Variants in FAM200C observed in about 807,000 individuals in gnomAD.
At chr5:160,396,671 G>A in the FAM200C span, among the ~76,000 whole-genome samples, 5 of 131,464 alleles carry the variant, frequency 3.8e-5, no homozygotes. Flanking sequence ...CTGCACTCCA[G>A]CCTGGGCGAC....
At chr5:160,396,469 G>A in the FAM200C span, among the ~76,000 whole-genome samples, 2 of 152,032 alleles carry the variant, frequency 1.3e-5, no homozygotes, top group African/African-American at 4.8e-5. Context: ...AAAGCAAAAT[G>A]GTCGGGCGTG....
chr5:160,398,731 A>G, the FAM200C span, among the ~76,000 whole-genome samples: 2 of 152,246 alleles, frequency 1.3e-5, no homozygotes, highest in Non-Finnish European at 2.9e-5. Context: ...CAAGGGCCTC[A>G]AAGATGAACT....
the FAM200C span, among the ~76,000 whole-genome samples, chr5:160,398,481 A>G: frequency 1.3e-5 from 2 of 152,202 alleles, no homozygotes; most frequent in African/African-American, 4.8e-5. Context: ...GGTTGCAGTG[A>G]GCCGAGATGA....
the FAM200C span, among the ~76,000 whole-genome samples, chr5:160,396,697 GGAAAA>G: frequency 2.0e-5 from 1 of 49,264 alleles, no homozygotes; most frequent in African/African-American, 7.1e-5. Context: ...AAGTCTCTGT[GGAAAA>G]AAAAAAAAAA....
the FAM200C span, among the ~76,000 whole-genome samples, chr5:160,399,012 G>T: frequency 6.6e-6 from 1 of 152,180 alleles, no homozygotes; most frequent in Admixed American, 6.5e-5. Context: ...ACAAAGCGGG[G>T]TGGAGATAAA....
chr5:160,394,782 A>G, the FAM200C span: 84 of 1,613,954 alleles, frequency 5.2e-5, no homozygotes, highest in Non-Finnish European at 6.9e-5. Flanking sequence ...ACAGAGCCAC[A>G]TACATCAAGT....
At chr5:160,393,980 A>T in the FAM200C span, 3 of 1,613,962 alleles carry the variant, frequency 1.9e-6, no homozygotes, top group South Asian at 3.3e-5. Flanking sequence ...TTCCATTAGG[A>T]TTTGGCCACT....
the FAM200C span, among the ~76,000 whole-genome samples, chr5:160,396,090 G>A: frequency 2.0e-5 from 3 of 151,948 alleles, no homozygotes; most frequent in East Asian, 1.9e-4. Flanking sequence ...TAGGGTATCC[G>A]TCACCCAAAT....
At chr5:160,394,524 T>C in the FAM200C span, 28 of 1,614,156 alleles carry the variant, frequency 1.7e-5, no homozygotes, top group African/African-American at 3.1e-4. Context: ...AGGAGGACAC[T>C]ATATTCTATG....
the FAM200C span, chr5:160,395,277 G>T: frequency 1.9e-6 from 3 of 1,614,084 alleles, no homozygotes; most frequent in Non-Finnish European, 2.5e-6. Context: ...TGATCAGATG[G>T]TGCTGGCATA....
chr5:160,393,585 A>AC, the FAM200C span: 1 of 767,174 alleles, frequency 1.3e-6, no homozygotes, highest in Non-Finnish European at 2.1e-6. Context: ...ATTCAAAATT[A>AC]AAGTTCTTAA....
At chr5:160,394,368 C>G in the FAM200C span, 1 of 1,613,534 alleles carries the variant, frequency 6.2e-7, no homozygotes, top group Non-Finnish European at 8.5e-7. Flanking sequence ...GCAAGGTATG[C>G]TAGGTGAATT....
At chr5:160,394,697 T>C in the FAM200C span, 3 of 1,614,088 alleles carry the variant, frequency 1.9e-6, no homozygotes. Flanking sequence ...AACTACGATA[T>C]GAGGTATCTC....
chr5:160,398,394 A>G, the FAM200C span, among the ~76,000 whole-genome samples: 2 of 152,260 alleles, frequency 1.3e-5, no homozygotes, highest in South Asian at 2.1e-4. Flanking sequence ...TACTAAAAAT[A>G]CAAAAATTAG....
the FAM200C span, chr5:160,394,284 C>G: frequency 6.2e-7 from 1 of 1,613,742 alleles, no homozygotes; most frequent in East Asian, 2.2e-5. Context: ...GATAACTTCT[C>G]TCTAGCTGAT....
At chr5:160,398,095 A>T in the FAM200C span, among the ~76,000 whole-genome samples, 5 of 152,150 alleles carry the variant, frequency 3.3e-5, no homozygotes, top group Admixed American at 1.3e-4. Flanking sequence ...TACAAAAATT[A>T]GCTGGGTGTG....
chr5:160,394,682 T>A, the FAM200C span: 8 of 1,614,158 alleles, frequency 5.0e-6, no homozygotes, highest in Non-Finnish European at 6.8e-6. Context: ...CAATAAACAA[T>A]GTGTAACTAC....
the FAM200C span, chr5:160,399,908 T>G: frequency 6.6e-6 from 1 of 152,306 alleles, no homozygotes; most frequent in Middle Eastern, 3.2e-3. Context: ...CCGCTCAGCC[T>G]AGGGCCCAGC....
the FAM200C span, among the ~76,000 whole-genome samples, chr5:160,398,282 G>A: frequency 3.3e-5 from 5 of 152,098 alleles, no homozygotes. Flanking sequence ...GGGTACGGTG[G>A]CTCATGTCCA....
Sources: gnomAD v4.1 joint callset for allele counts (sites outside exome capture counted in the v4.1 genomes callset) on GRCh38, gnomAD v4.1.1 for gene constraint, MANE v1.5 for transcripts.